The following PCCA variants were observed in gnomAD, a reference collection of about 807,000 sequenced individuals.
The protein encoded by PCCA is propionyl-CoA carboxylase subunit alpha, also known as propionyl-CoA carboxylase alpha chain, mitochondrial.
Under a neutral mutation model 101.3 loss-of-function variants are expected in PCCA, and 74 were observed. The ratio of observed to expected loss-of-function variants is 0.73; its 90% CI spans 0.61 to 0.89. PCCA has a LOEUF of 0.89. PCCA is among the 40% of genes least tolerant of loss of function. The pLI, the probability that PCCA is intolerant of heterozygous loss-of-function variation, is 0.00. For synonymous variants in PCCA, 294 were observed against 313.6 expected (o/e 0.94, Z 0.66); for missense variants, 891 against 907.0 (o/e 0.98, Z 0.23).
chr13:100,312,486 G>A (rs1245011559), intron 16 of PCCA, among the ~76,000 whole-genome samples: 1 of 152,302 alleles, frequency 6.6e-6, no homozygotes, highest in Non-Finnish European at 1.5e-5. Flanking sequence ...AAGCGTCTTT[G>A]CAGTATCACT....
intron 7 of PCCA, among the ~76,000 whole-genome samples, chr13:100,230,494 G>A (rs9513741): frequency 0.27 from 41,143 of 150,622 alleles, 6,891 homozygotes; most frequent in East Asian, 0.7. Context: ...GCAGTGAGCC[G>A]AGGTCGTGCC....
chr13:100,216,701 TAAAAGAC>T (rs997441496), intron 7 of PCCA, among the ~76,000 whole-genome samples: 15 of 152,168 alleles, frequency 9.9e-5, no homozygotes, highest in African/African-American at 3.6e-4. Flanking sequence ...GAGAAAAAAT[TAAAAGAC>T]AATAGAAACA....
intron 16 of PCCA, among the ~76,000 whole-genome samples, chr13:100,327,662 TG>T (rs1351646202): frequency 6.6e-6 from 1 of 152,240 alleles, no homozygotes; most frequent in Non-Finnish European, 1.5e-5. Context: ...CCAAAGTGTG[TG>T]TATCATTTTA....
intron 21 of PCCA, among the ~76,000 whole-genome samples, chr13:100,502,669 T>A (rs2085766022): frequency 6.6e-6 from 1 of 152,182 alleles, no homozygotes. Flanking sequence ...TGAAAATGAC[T>A]GAGTGGTTAC....
At chr13:100,332,092 C>T (rs1006090103) in intron 17 of PCCA, among the ~76,000 whole-genome samples, 3 of 152,046 alleles carry the variant, frequency 2.0e-5, no homozygotes, top group African/African-American at 7.2e-5. Flanking sequence ...GCATGTGCCA[C>T]TACCCCCAGC....
At chr13:100,476,049 T>A (rs1375689699) in intron 21 of PCCA, among the ~76,000 whole-genome samples, 2 of 152,362 alleles carry the variant, frequency 1.3e-5, no homozygotes, top group East Asian at 3.9e-4. Flanking sequence ...TCAAATGAGA[T>A]GATTTCGATA....
intron 4 of PCCA, among the ~76,000 whole-genome samples, chr13:100,138,134 C>T (rs908711696): frequency 6.6e-6 from 1 of 151,984 alleles, no homozygotes; most frequent in Non-Finnish European, 1.5e-5. Flanking sequence ...TTTTGGGCTA[C>T]TGTTTTATTA....
At chr13:100,200,364 A>G (rs2058400257) in intron 6 of PCCA, among the ~76,000 whole-genome samples, 1 of 152,126 alleles carries the variant, frequency 6.6e-6, no homozygotes, top group Admixed American at 6.5e-5. Context: ...TTGGCCTCCC[A>G]AAGTGCTGGG....
chr13:100,416,193 T>G (rs898393902), intron 19 of PCCA, among the ~76,000 whole-genome samples: 5 of 151,962 alleles, frequency 3.3e-5, no homozygotes, highest in South Asian at 2.1e-4. Context: ...AATCATGGTT[T>G]TTTTTTTTTT....
intron 21 of PCCA, among the ~76,000 whole-genome samples, chr13:100,453,038 T>TA (rs2152930797): frequency 6.6e-6 from 1 of 150,500 alleles, no homozygotes; most frequent in East Asian, 2.0e-4. Flanking sequence ...ACCCCATCCT[T>TA]ACAAAAAATT....
intron 6 of PCCA, among the ~76,000 whole-genome samples, chr13:100,192,986 A>G (rs905021961): frequency 7.2e-5 from 11 of 152,180 alleles, no homozygotes; most frequent in Non-Finnish European, 1.3e-4. Flanking sequence ...AACCATGTCT[A>G]CTTAACCAGC....
chr13:100,453,724 A>T (rs958648165), intron 21 of PCCA, among the ~76,000 whole-genome samples: 1 of 152,116 alleles, frequency 6.6e-6, no homozygotes, highest in Non-Finnish European at 1.5e-5. Flanking sequence ...ACTCCCTTTT[A>T]TCCACTTCAG....
At chr13:100,376,575 C>G (rs2075915113) in intron 19 of PCCA, among the ~76,000 whole-genome samples, 1 of 152,202 alleles carries the variant, frequency 6.6e-6, no homozygotes, top group South Asian at 2.1e-4. Flanking sequence ...GAGAGACAGT[C>G]TGGCGACAGC....
chr13:100,498,417 C>T (rs923496772), intron 21 of PCCA, among the ~76,000 whole-genome samples: 1 of 151,934 alleles, frequency 6.6e-6, no homozygotes, highest in African/African-American at 2.4e-5. Context: ...GGAAACACGC[C>T]CGTATTAGTG....
intron 1 of PCCA, among the ~76,000 whole-genome samples, chr13:100,091,245 G>T (rs1167505988): frequency 6.6e-6 from 1 of 152,198 alleles, no homozygotes; most frequent in Non-Finnish European, 1.5e-5. Context: ...AGATTGGAGA[G>T]GCTGAGAGGA....
At chr13:100,487,482 G>A (rs914261568) in intron 21 of PCCA, among the ~76,000 whole-genome samples, 3 of 152,202 alleles carry the variant, frequency 2.0e-5, no homozygotes, top group African/African-American at 7.2e-5. Context: ...GATTGTGTGT[G>A]TGGTGTGATG....
At chr13:100,377,177 C>T (rs2075968082) in intron 19 of PCCA, among the ~76,000 whole-genome samples, 1 of 152,164 alleles carries the variant, frequency 6.6e-6, no homozygotes. Context: ...GAGCCGGGTA[C>T]CTCAGTTGGA....
chr13:100,507,118 AAAG>A (rs1261085509), intron 21 of PCCA, among the ~76,000 whole-genome samples: 2 of 152,322 alleles, frequency 1.3e-5, no homozygotes, highest in South Asian at 2.1e-4. Flanking sequence ...TCTTGAGTAA[AAAG>A]AAAAAAATGA....
intron 20 of PCCA, among the ~76,000 whole-genome samples, chr13:100,437,158 TGCATGCCC>T (rs2079993934): frequency 6.6e-6 from 1 of 152,220 alleles, no homozygotes; most frequent in African/African-American, 2.4e-5. Flanking sequence ...CAAAGGCTTG[TGCATGCCC>T]TAGGCTTTCT....
Sources: allele counts gnomAD v4.1 joint callset (sites outside exome capture counted in the v4.1 genomes callset), GRCh38; gene constraint gnomAD v4.1.1; transcripts MANE v1.5; gene names NCBI Gene and HGNC (gene_info 2026-07-23, HGNC 2026-07-21).